RIC8B: variants seen among roughly 807,000 people sequenced by gnomAD.
RIC8B encodes RIC8 guanine nucleotide exchange factor B, also known as chaperone Ric-8B.
RIC8B carries 16 observed loss-of-function variants against 57.5 expected under a neutral mutation model. The ratio of observed to expected loss-of-function variants is 0.28; its 90% confidence interval spans 0.19 to 0.42. RIC8B has a LOEUF of 0.42. RIC8B is among the 10% of genes least tolerant of loss of function. RIC8B has a pLI of 1.00. For missense variants in RIC8B, 481 were observed against 677.0 expected, an observed-to-expected ratio of 0.71 and a Z score of 3.21; for synonymous variants, 216 against 250.8, an observed-to-expected ratio of 0.86 and a Z score of 1.31.
In RIC8B at chr12:106,814,900, G is replaced by A. The variant is rs1214258214; in HGVS notation, c.337G>A (p.Val113Ile). Residue 113 changes from valine to isoleucine, a missense_variant, in exon 3 of 10, where the codon GTT becomes ATT. This residue lies in a region of RIC8B where 421 missense variants were observed against 560.9 expected (regional missense o/e 0.75). Transcript: ENST00000392837. Reference protein sequence around the residue: ...DSLEKVSEFPVIVESLKCLCN... With the variant: ...DSLEKVSEFPIIVESLKCLCN... ...TTTGGAGAAAGTATCAGAGTTCCCA[G>A]TTATTGTGGAGTCATTAAAATGTCT... The A allele has an allele frequency of 6.2e-7, 1 of 1,614,178 alleles. No individual in the cohort carries two copies. Among genetic ancestry groups the A allele is most frequent in the Admixed American group, 1.7e-5 (1 of 60,020 alleles).
At chr12:106,805,112 G>A (rs1253002990) in intron 2 of RIC8B, among the ~76,000 whole-genome samples, 4 of 152,150 alleles carry the variant, frequency 2.6e-5, no homozygotes, top group African/African-American at 7.2e-5. Context: ...GTGTTTGGAT[G>A]TGTTTTATTT....
intron 2 of RIC8B, among the ~76,000 whole-genome samples, chr12:106,789,519 G>A (rs895105328): frequency 6.6e-6 from 1 of 152,140 alleles, no homozygotes; most frequent in Non-Finnish European, 1.5e-5. Context: ...CATGGCTGGG[G>A]AGGCCTCAAA....
chr12:106,833,456 C>T (rs952861341), intron 4 of RIC8B, among the ~76,000 whole-genome samples: 2 of 152,028 alleles, frequency 1.3e-5, no homozygotes, highest in Admixed American at 1.3e-4. Flanking sequence ...ACAAAATTAG[C>T]AAGGCATGAT....
At chr12:106,851,993 T>C (rs1949495781) in intron 7 of RIC8B, among the ~76,000 whole-genome samples, 1 of 152,200 alleles carries the variant, frequency 6.6e-6, no homozygotes, top group Admixed American at 6.5e-5. Context: ...TATAGGAGTT[T>C]TGGTTTCTTT....
chr12:106,827,998 G>A (rs2046186182), intron 4 of RIC8B, among the ~76,000 whole-genome samples: 1 of 152,196 alleles, frequency 6.6e-6, no homozygotes, highest in African/African-American at 2.4e-5. Flanking sequence ...CCCAGTATTT[G>A]TTGAAAGAGA....
At chr12:106,841,199 T>C (rs1022521126) in intron 4 of RIC8B, among the ~76,000 whole-genome samples, 3 of 152,218 alleles carry the variant, frequency 2.0e-5, no homozygotes, top group African/African-American at 7.2e-5. Context: ...TATTTGGTTT[T>C]AGTGAGGGCA....
chr12:106,845,008 A>T (rs867816133), intron 6 of RIC8B, among the ~76,000 whole-genome samples: 1 of 152,308 alleles, frequency 6.6e-6, no homozygotes, highest in South Asian at 2.1e-4. Context: ...GAGGATTGTC[A>T]GTCTGTCATT....
intron 6 of RIC8B, among the ~76,000 whole-genome samples, chr12:106,846,131 C>G (rs1229353903): frequency 6.6e-6 from 1 of 152,164 alleles, no homozygotes; most frequent in Non-Finnish European, 1.5e-5. Flanking sequence ...ATTTATATCT[C>G]CAGCCCTGAC....
At position 106,843,919 on chromosome 12, in the gene RIC8B, G is replaced by A. The variant is rs773118905; in HGVS notation, c.1133G>A (p.Arg378Gln). ...TTAACCGAATGTTCCCGAGCCCATC[G>A]AAACATCCGAAAATTTCTCAAAGAT... ...SLLTECSRAHRNIRKFLKDQV... is the reference protein window; with the variant it reads ...SLLTECSRAHQNIRKFLKDQV... The change falls in exon 6 of 10, where the codon CGA becomes CAA. Residue 378 changes from arginine to glutamine, a missense_variant. Arg to Gln is a conservative substitution (Grantham distance 43, BLOSUM62 1). Around this residue, in one of 3 missense-constraint regions of RIC8B, gnomAD observed 421 missense variants for 560.9 expected, o/e 0.75. Transcript: ENST00000392837. The A allele has an allele frequency of 2.5e-6, 4 of 1,613,372 alleles. No individual in the cohort carries two copies. The highest frequency in any genetic ancestry group is 4.5e-5 in the East Asian group (2 of 44,862).
intron 2 of RIC8B, among the ~76,000 whole-genome samples, chr12:106,808,379 A>G (rs1252208193): frequency 6.6e-6 from 1 of 152,122 alleles, no homozygotes; most frequent in African/African-American, 2.4e-5. Context: ...ACTTTATGTT[A>G]TTTATTTATT....
chr12:106,869,650 A>AAACT (rs1417428714), intron 8 of RIC8B, among the ~76,000 whole-genome samples: 1 of 152,222 alleles, frequency 6.6e-6, no homozygotes, highest in African/African-American at 2.4e-5. Context: ...CATTAAAAAC[A>AAACT]AACTATCTGC....
intron 9 of RIC8B, chr12:106,880,008 C>G (rs1187716146): frequency 2.1e-6 from 2 of 941,180 alleles, no homozygotes; most frequent in African/African-American, 3.5e-5. Flanking sequence ...TTTCAATATA[C>G]AGTATCTCCG....
intron 6 of RIC8B, among the ~76,000 whole-genome samples, chr12:106,848,984 G>A (rs919219703): frequency 2.0e-5 from 3 of 152,236 alleles, no homozygotes; most frequent in Middle Eastern, 3.4e-3. Flanking sequence ...TGGGGGAGTG[G>A]CGGGAGAATG....
At chr12:106,853,451 G>GTTTTT (rs1949563485) in intron 7 of RIC8B, among the ~76,000 whole-genome samples, 2 of 51,810 alleles carry the variant, frequency 3.9e-5, no homozygotes, top group African/African-American at 1.7e-4. Flanking sequence ...CTGCTTTATA[G>GTTTTT]TCTTTTTTTT....
At chr12:106,796,930 A>G (rs1403119824) in intron 2 of RIC8B, among the ~76,000 whole-genome samples, 2 of 152,264 alleles carry the variant, frequency 1.3e-5, no homozygotes, top group African/African-American at 4.8e-5. Context: ...GCTTGATATC[A>G]TTAGTCATCA....
At chr12:106,803,232 A>AAAAAAAAG (rs1245310606) in intron 2 of RIC8B, among the ~76,000 whole-genome samples, 2 of 151,366 alleles carry the variant, frequency 1.3e-5, no homozygotes, top group African/African-American at 4.9e-5. Flanking sequence ...AAAAAAAAAA[A>AAAAAAAAG]AAAAAAGCAA....
intron 6 of RIC8B, among the ~76,000 whole-genome samples, chr12:106,850,599 C>T (rs1047464718): frequency 6.6e-6 from 1 of 152,156 alleles, no homozygotes; most frequent in African/African-American, 2.4e-5. Flanking sequence ...ATTACTTTTG[C>T]ACCAACCTAA....
rs115452593 is a variant in RIC8B, at chr12:106,791,198, C to T, written c.132+7154C>T. Among the ~76,000 whole-genome samples, 1,265 of 152,152 alleles carry T rather than the reference C, an allele frequency of 8.3e-3. 25 individuals are homozygous for T. Among genetic ancestry groups the T allele is most frequent in the African/African-American group, 0.029 (1,206 of 41,496 alleles). ...TATGCATACAGTATGATCACAGCCA[C>T]GTAAAACTGATAAAAACCATACAAA... On this transcript the variant is annotated intron_variant, in intron 2 of 9. Coordinates refer to ENST00000392837, the MANE Select transcript of RIC8B (RefSeq NM_001330145.2).
intron 9 of RIC8B, chr12:106,873,135 C>T (rs1950518617): frequency 1.0e-6 from 1 of 985,366 alleles, no homozygotes; most frequent in Non-Finnish European, 1.2e-6. Context: ...AAAGAAGATG[C>T]CTACTTATCC....
Sources: gnomAD v4.1 joint callset for allele counts (sites outside exome capture counted in the v4.1 genomes callset) on GRCh38, gnomAD v4.1.1 for gene constraint, gnomAD v4.1.1 regional missense constraint, MANE v1.5 for transcripts, NCBI Gene and HGNC (gene_info 2026-07-23, HGNC 2026-07-21) for gene names.